The following GNAL variants were observed in gnomAD, a reference collection of about 807,000 sequenced individuals.
GNAL encodes the protein G protein subunit alpha L.
GNAL carries 18 observed loss-of-function variants against 55.1 expected under a neutral mutation model. The observed-to-expected ratio is 0.33, with a 90% CI of 0.23 to 0.48. GNAL has a LOEUF of 0.48. GNAL is among the 20% of genes least tolerant of loss of function. The pLI is 0.99. For synonymous variants in GNAL, 253 were observed against 237.0 expected, an observed-to-expected ratio of 1.07 and a Z score of -0.62; for missense variants, 412 against 614.1, an observed-to-expected ratio of 0.67 and a Z score of 3.48.
At chr18:11,756,910 T>C (rs1224115642) in intron 4 of GNAL, among the ~76,000 whole-genome samples, 2 of 152,332 alleles carry the variant, frequency 1.3e-5, no homozygotes, top group Non-Finnish European at 2.9e-5. Flanking sequence ...ATTGAATCCT[T>C]GAGAAAGCCT....
chr18:11,699,526 T>C (rs1260995497), intron 1 of GNAL, among the ~76,000 whole-genome samples: 1 of 151,794 alleles, frequency 6.6e-6, no homozygotes, highest in African/African-American at 2.4e-5. Context: ...GGTCTAAATT[T>C]ATTAATACTT....
chr18:11,791,007 C>A (rs1417072849), intron 4 of GNAL, among the ~76,000 whole-genome samples: 1 of 138,840 alleles, frequency 7.2e-6, no homozygotes, highest in Non-Finnish European at 1.6e-5. Context: ...TTAAGAAAAA[C>A]CAGAAACTAC....
intron 5 of GNAL, among the ~76,000 whole-genome samples, chr18:11,842,436 A>G (rs1466830526): frequency 1.3e-5 from 2 of 152,152 alleles, no homozygotes; most frequent in Non-Finnish European, 2.9e-5. Context: ...GTGCTCTTCT[A>G]TTACGATTAC....
chr18:11,694,596 G>A (rs573792921), intron 1 of GNAL, among the ~76,000 whole-genome samples: 98 of 152,298 alleles, frequency 6.4e-4, no homozygotes, highest in African/African-American at 2.4e-3. Context: ...TCCAAACTAG[G>A]GCAGTGTGGT....
intron 5 of GNAL, among the ~76,000 whole-genome samples, chr18:11,848,379 A>G (rs1055946731): frequency 2.6e-5 from 4 of 152,250 alleles, no homozygotes; most frequent in South Asian, 4.2e-4. Context: ...CACAGAAAGT[A>G]GAGGTGTCAT....
At chr18:11,867,314 TCTAA>T (rs1466949103) in intron 8 of GNAL, 88 bp downstream of exon 8, 12 of 809,952 alleles carry the variant, frequency 1.5e-5, no homozygotes, top group Middle Eastern at 2.3e-4. Context: ...TTAGATAATC[TCTAA>T]CTAATATGTA....
chr18:11,782,853 T>A (rs1046638453), intron 4 of GNAL, among the ~76,000 whole-genome samples: 1 of 152,212 alleles, frequency 6.6e-6, no homozygotes, highest in African/African-American at 2.4e-5. Flanking sequence ...ACATAGATGC[T>A]ACTGAAAGGG....
chr18:11,772,459 A>G (rs2033662970), intron 4 of GNAL, among the ~76,000 whole-genome samples: 1 of 152,168 alleles, frequency 6.6e-6, no homozygotes, highest in South Asian at 2.1e-4. Flanking sequence ...GTCCTGTTCC[A>G]GGTGATCATA....
chr18:11,739,055 G>A lies in GNAL; in HGVS notation c.377-13798G>A, dbSNP rs547638886. ...TGATGGTGTCCGCTGCCCACTGAAC[G>A]AGGGCAGGTGAGGGCCCAGAGAGTG... On this transcript the variant is annotated intron_variant, in intron 1 of 11. Transcript: ENST00000334049. 1.5e-3 allele frequency among the ~76,000 whole-genome samples: 223 copies of A among 152,294 alleles called. 1 individual carries two copies. Among genetic ancestry groups the A allele is most frequent in the African/African-American group, 5.2e-3 (216 of 41,572 alleles).
Position 11,788,904 on chromosome 18 carries a change from A to T in GNAL, c.624+34959A>T, listed in dbSNP as rs1272153143. ...AGAGCAAGACTCCGTCTCGAAAAAA[A>T]AAAAAAAAAAATATATATATATATA... is the stretch of plus-strand genomic sequence containing the variant. On this transcript the variant is annotated intron_variant, in intron 4 of 11. Coordinates refer to ENST00000334049, the MANE Select transcript of GNAL (RefSeq NM_182978.4). 6.0e-4 allele frequency among the ~76,000 whole-genome samples: 48 copies of T among 79,680 alleles called. 2 individuals carry two copies. Among genetic ancestry groups the T allele is most frequent in the East Asian group, 5.3e-3 (12 of 2,256 alleles). The allele number at this position is 79,680 out of a possible 152,430, so 52.3% of individuals were successfully genotyped here.
chr18:11,773,388 G>C (rs1019269268), intron 4 of GNAL, among the ~76,000 whole-genome samples: 1 of 152,154 alleles, frequency 6.6e-6, no homozygotes, highest in African/African-American at 2.4e-5. Flanking sequence ...TACATAACCA[G>C]TCTCTGAAAT....
At chr18:11,822,563 C>G (rs2035127180) in intron 4 of GNAL, among the ~76,000 whole-genome samples, 1 of 152,134 alleles carries the variant, frequency 6.6e-6, no homozygotes, top group Non-Finnish European at 1.5e-5. Context: ...CAGATTGCAC[C>G]ACTGCACTCC....
chr18:11,765,787 A>AT (rs531536992), intron 4 of GNAL, among the ~76,000 whole-genome samples: 12 of 151,868 alleles, frequency 7.9e-5, no homozygotes, highest in South Asian at 6.2e-4. Context: ...TTTGTGTACC[A>AT]TTTTTTTTAT....
At chr18:11,737,131 G>T (rs1336004973) in intron 1 of GNAL, among the ~76,000 whole-genome samples, 1 of 152,086 alleles carries the variant, frequency 6.6e-6, no homozygotes, top group Non-Finnish European at 1.5e-5. Context: ...CTATTTATGG[G>T]TTGCATGAGA....
intron 10 of GNAL, among the ~76,000 whole-genome samples, chr18:11,875,373 G>C (rs1191487654): frequency 6.6e-6 from 1 of 152,218 alleles, no homozygotes; most frequent in Non-Finnish European, 1.5e-5. Context: ...ACCTTAGGCT[G>C]GTGATAGGAT....
chr18:11,768,978 T>TTCTATATTATAATATAGAATA (rs1598441231), intron 4 of GNAL, among the ~76,000 whole-genome samples: 4 of 110,318 alleles, frequency 3.6e-5, no homozygotes, highest in East Asian at 4.2e-4. Context: ...ATTATATATA[T>TTCTATATTATAATATAGAATA]TATATATTCT....
At chr18:11,746,614 AAAAG>A (rs1164542429) in intron 1 of GNAL, 4 of 249,168 alleles carry the variant, frequency 1.6e-5, no homozygotes, top group Middle Eastern at 1.5e-3. Flanking sequence ...GTGTCTAAAA[AAAAG>A]AAAGAAGAAG....
rs533991266 is a variant in GNAL, at chr18:11,705,565, T to G, written c.376+15626T>G. 2.7e-4 allele frequency among the ~76,000 whole-genome samples: 41 copies of G among 152,262 alleles called. No homozygotes were observed. The South Asian group carries it at 8.3e-3, about 31-fold the overall frequency. On this transcript the variant is annotated intron_variant, in intron 1 of 11. Coordinates refer to ENST00000334049, the MANE Select transcript of GNAL (RefSeq NM_182978.4). ...TCCATAGCAGCTGTACCATTTTAATTCCCACCAGCAGCGTACAAGGGTTTC... is the reference window on the plus strand; with the variant it reads ...TCCATAGCAGCTGTACCATTTTAATGCCCACCAGCAGCGTACAAGGGTTTC...
intron 1 of GNAL, among the ~76,000 whole-genome samples, chr18:11,732,145 G>A (rs1360395807): frequency 6.6e-6 from 1 of 152,174 alleles, no homozygotes; most frequent in Non-Finnish European, 1.5e-5. Context: ...GGACATTTGT[G>A]TACAGGTTTT....
Sources: gnomAD v4.1 joint callset for allele counts (sites outside exome capture counted in the v4.1 genomes callset) on GRCh38, gnomAD v4.1.1 for gene constraint, MANE v1.5 for transcripts, NCBI Gene and HGNC (gene_info 2026-07-23, HGNC 2026-07-21) for gene names.